The following HIBCH variants were observed in gnomAD, a reference collection of about 807,000 sequenced individuals.
HIBCH encodes the protein 3-hydroxyisobutyryl-CoA hydrolase, mitochondrial.
Under a neutral mutation model 58.2 loss-of-function variants are expected in HIBCH, and 50 were observed. The ratio of observed to expected loss-of-function variants is 0.86; its 90% confidence interval spans 0.68 to 1.09. The LOEUF is 1.09. Among genes scored for constraint, HIBCH ranks in the 50% least tolerant of loss-of-function variants. The probability of loss-of-function intolerance (pLI) is 0.00; values close to 1 mark genes in which losing one functional copy is unlikely to be tolerated. For missense variants in HIBCH, 450 were observed against 449.7 expected (o/e 1.00, Z -0.01); for synonymous variants, 151 against 146.9 (o/e 1.03, Z -0.20).
chr2:190,247,559 A>G (rs1051599496), intron 9 of HIBCH, among the ~76,000 whole-genome samples: 4 of 152,098 alleles, frequency 2.6e-5, no homozygotes, highest in African/African-American at 9.7e-5. Flanking sequence ...CTTCTTTACT[A>G]TGAATTCCTA....
chr2:190,252,437 T>G (rs573689761), intron 7 of HIBCH, 130 bp from the exon 8 acceptor site: 1 of 781,102 alleles, frequency 1.3e-6, no homozygotes. Context: ...ATTATTAAAC[T>G]AAGTACTATA....
rs1229849401 is a variant in HIBCH at position 190,254,855 on chromosome 2, T to C, written c.518-2548A>G. 6.6e-6 allele frequency among the ~76,000 whole-genome samples: 1 copy of C among 152,218 alleles called. No individual in the cohort carries two copies. The highest frequency in any genetic ancestry group is 2.1e-4 in the South Asian group (1 of 4,834). On this transcript the variant is annotated intron_variant, in intron 7 of 13. Transcript: ENST00000359678. This position sits in a 1 kb window ranked among gnomAD's most constrained non-coding sequence, Gnocchi z 5.0. ...CTTTCTACAATGATGAAATCTATAA[T>C]TTCTGCTGTCCAATAAGACAGCCAC...
chr2:190,255,699 G>A (rs1324972520), intron 7 of HIBCH, among the ~76,000 whole-genome samples: 3 of 152,214 alleles, frequency 2.0e-5, no homozygotes, highest in Non-Finnish European at 1.5e-5. Context: ...CATTTGAGAA[G>A]ATGAAGCTGA....
rs981417584 is a variant in HIBCH at position 190,281,273 on chromosome 2, G to A, written c.438+6313C>T. On this transcript the variant is annotated intron_variant, in intron 6 of 13. Transcript: ENST00000359678. This position sits in a 1 kb window ranked among gnomAD's most constrained non-coding sequence, Gnocchi z 5.4. ...ACATGCCTTCCTAGCTCTGCTTTCT[G>A]ACAGCCTGCAGAATTAGCACCACAT... 3.3e-5 allele frequency among the ~76,000 whole-genome samples: 5 copies of A among 152,162 alleles called. No individual in the cohort carries two copies. Among genetic ancestry groups the A allele is most frequent in the African/African-American group, 1.2e-4 (5 of 41,440 alleles).
At chr2:190,200,481 G>T, downstream of HIBCH, 2 of 208,706 alleles carry the variant, frequency 9.6e-6, no homozygotes, top group East Asian at 1.3e-4. Context: ...AAATTCCAAT[G>T]GTTGAAGTTT....
chr2:190,249,089 CTT>C (rs1686691281), intron 9 of HIBCH, among the ~76,000 whole-genome samples: 2 of 152,090 alleles, frequency 1.3e-5, no homozygotes, highest in African/African-American at 4.8e-5. Context: ...ACTGTCTCCT[CTT>C]CCGTTCTACT....
At chr2:190,310,648 CT>C (rs1166397393) in intron 2 of HIBCH, 105 bp downstream of exon 2, 1 of 916,446 alleles carries the variant, frequency 1.1e-6, no homozygotes, top group East Asian at 2.4e-5. Context: ...CATGATGTAC[CT>C]AAGGTCAAGG....
rs1214635514 is a variant in HIBCH, at chr2:190,214,098, T to C, written c.892-1023A>G. The stretch of plus-strand genomic sequence containing the variant: ...GGAGACGCACCCCACTTGATTTATG[T>C]GGCCTGCTCTGGACATCTTGGCTCC... On this transcript the variant is annotated intron_variant, in intron 11 of 13. Transcript: ENST00000359678. The surrounding 1 kb of genome is among the most constrained non-coding windows in gnomAD (Gnocchi z 5.5). 1 of 152,174 alleles carries C rather than the reference T, an allele frequency of 6.6e-6. No homozygotes were observed. The highest frequency in any genetic ancestry group is 1.5e-5 in the Non-Finnish European group (1 of 68,070). The allele number at this position is 152,174 out of a possible 1,614,324, so 9.4% of individuals were successfully genotyped here.
chr2:190,240,898 T>C (rs1686432567), intron 11 of HIBCH, among the ~76,000 whole-genome samples: 1 of 152,222 alleles, frequency 6.6e-6, no homozygotes, highest in African/African-American at 2.4e-5. Flanking sequence ...CTTCCAATTA[T>C]GTGGTTTATT....
chr2:190,288,236 C>A (rs1687880227), intron 5 of HIBCH, among the ~76,000 whole-genome samples: 1 of 150,904 alleles, frequency 6.6e-6, no homozygotes, highest in Non-Finnish European at 1.5e-5. Flanking sequence ...GATGTCAATT[C>A]CCTCCAAATT....
In HIBCH at chr2:190,204,520, G is replaced by A. The variant is rs1690341397; in HGVS notation, c.*597C>T. 6.6e-6 allele frequency: 1 copy of A among 152,260 alleles called. No individual in the cohort carries two copies. Among genetic ancestry groups the A allele is most frequent in the Admixed American group, 6.6e-5 (1 of 15,256 alleles). 9.4% of individuals were successfully genotyped at this position (152,260 alleles called of 1,614,324 possible). A position where few individuals can be genotyped will look rare whatever the true frequency, so the allele number is the denominator to read the frequency against. On this transcript the variant is annotated 3_prime_UTR_variant, in exon 14 of 14. Coordinates refer to ENST00000359678, the MANE Select transcript of HIBCH (RefSeq NM_014362.4). Reference sequence around the variant, plus strand: ...AAGGTTTCTAATGTTTATAAAAGGAGCTCTTCTGCTACAGTAACTCAGTTA... The same window carrying A: ...AAGGTTTCTAATGTTTATAAAAGGAACTCTTCTGCTACAGTAACTCAGTTA...
At chr2:190,231,635 G>C (rs1340688606) in intron 11 of HIBCH, among the ~76,000 whole-genome samples, 1 of 152,054 alleles carries the variant, frequency 6.6e-6, no homozygotes, top group Non-Finnish European at 1.5e-5. Flanking sequence ...GACAAAGATA[G>C]CTATCATCAC....
chr2:190,289,047 G>A (rs933674973), intron 5 of HIBCH, among the ~76,000 whole-genome samples: 1 of 152,124 alleles, frequency 6.6e-6, no homozygotes, highest in Non-Finnish European at 1.5e-5. Context: ...GGAGACAGAG[G>A]CTGCAGTGAG....
intron 11 of HIBCH, among the ~76,000 whole-genome samples, chr2:190,241,697 G>A (rs754163003): frequency 1.3e-5 from 2 of 152,142 alleles, no homozygotes; most frequent in African/African-American, 2.4e-5. Flanking sequence ...ATCTGGAAAG[G>A]ATTTCCTTTC....
chr2:190,229,487 C>G lies in HIBCH; in HGVS notation c.891+15400G>C, dbSNP rs567855953. Among the ~76,000 whole-genome samples the G allele has an allele frequency of 3.3e-5, 5 of 152,222 alleles. No homozygotes were observed. In the South Asian group the frequency reaches 1.0e-3, roughly 32 times the overall value. On this transcript the variant is annotated intron_variant, in intron 11 of 13. Coordinates refer to ENST00000359678, the MANE Select transcript of HIBCH (RefSeq NM_014362.4). ...CTTTCTAATCCTTCAATTCAGAAACCAAATTCACTATTTCTAAAAACTTTC... is the reference window on the plus strand; with the variant it reads ...CTTTCTAATCCTTCAATTCAGAAACGAAATTCACTATTTCTAAAAACTTTC...
chr2:190,233,317 T>C (rs1686166766), intron 11 of HIBCH, among the ~76,000 whole-genome samples: 1 of 152,210 alleles, frequency 6.6e-6, no homozygotes, highest in African/African-American at 2.4e-5. Context: ...GGTTTGGCTG[T>C]GGTCCCCACC....
At chr2:190,267,112 C>A (rs1687264787) in intron 6 of HIBCH, among the ~76,000 whole-genome samples, 1 of 151,970 alleles carries the variant, frequency 6.6e-6, no homozygotes, top group Non-Finnish European at 1.5e-5. Context: ...AAGACCAATT[C>A]TGTCCACAGT....
At chr2:190,242,262 C>T (rs7574028) in intron 11 of HIBCH, among the ~76,000 whole-genome samples, 46,806 of 150,994 alleles carry the variant, frequency 0.31, 8,283 homozygotes, top group African/African-American at 0.47. Context: ...TATTGATACT[C>T]GTTCTTCAAG....
chr2:190,231,062 T>C (rs1448403965), intron 11 of HIBCH, among the ~76,000 whole-genome samples: 1 of 152,210 alleles, frequency 6.6e-6, no homozygotes, highest in Non-Finnish European at 1.5e-5. Flanking sequence ...CCCATCTATC[T>C]ACAATGTCAT....
Sources: allele counts gnomAD v4.1 joint callset (sites outside exome capture counted in the v4.1 genomes callset), GRCh38; gene constraint gnomAD v4.1.1; non-coding constraint Gnocchi (gnomAD v3.1); transcripts MANE v1.5; gene names NCBI Gene and HGNC (gene_info 2026-07-23, HGNC 2026-07-21).